The following HMCN1 variants were observed in gnomAD, a reference collection of about 807,000 sequenced individuals.
HMCN1 encodes hemicentin 1, also known as hemicentin-1.
HMCN1 carries 321 observed loss-of-function variants against 625.9 expected under a neutral mutation model. The ratio of observed to expected loss-of-function variants is 0.51; its 90% CI spans 0.47 to 0.56. The LOEUF (loss-of-function observed/expected upper bound fraction) is 0.56, where lower values mean the gene tolerates loss of function less well. Ranked by LOEUF, HMCN1 falls within the 20% of genes least tolerant of loss-of-function variation. The pLI, the probability that HMCN1 is intolerant of heterozygous loss-of-function variation, is 0.00. For synonymous variants in HMCN1, 2,425 were observed against 2,417.6 expected, an observed-to-expected ratio of 1.00 and a Z score of -0.09; for missense variants, 6,588 against 6,887.3, an observed-to-expected ratio of 0.96 and a Z score of 1.54.
intron 4 of HMCN1, among the ~76,000 whole-genome samples, chr1:185,898,586 C>G (rs1433560129): frequency 6.6e-6 from 1 of 151,952 alleles, no homozygotes; most frequent in Non-Finnish European, 1.5e-5. Flanking sequence ...GAACCCTGGT[C>G]CTAATAGCAC....
chr1:186,165,218 C>T, intron 98 of HMCN1, 45 bp downstream of exon 98: 2 of 1,516,958 alleles, frequency 1.3e-6, no homozygotes, highest in Non-Finnish European at 1.8e-6. Flanking sequence ...ATGAAAATGT[C>T]AATATTGGAT....
At chr1:185,976,292 T>C (rs1651209826) in intron 15 of HMCN1, among the ~76,000 whole-genome samples, 1 of 152,170 alleles carries the variant, frequency 6.6e-6, no homozygotes, top group South Asian at 2.1e-4. Context: ...AACAAGGTAC[T>C]GATATGAGAA....
At chr1:186,018,053 C>A in intron 33 of HMCN1, 130 bp from the exon 34 acceptor site, 2 of 860,598 alleles carry the variant, frequency 2.3e-6, no homozygotes, top group Non-Finnish European at 3.7e-6. Context: ...TTCTCTTTTT[C>A]ATTTACAATT....
chr1:185,838,159 C>T (rs1050559038), intron 1 of HMCN1, among the ~76,000 whole-genome samples: 1 of 152,192 alleles, frequency 6.6e-6, no homozygotes, highest in African/African-American at 2.4e-5. Flanking sequence ...CCAGATTCCC[C>T]TTCCCACCAG....
At position 186,123,754 on chromosome 1, in the gene HMCN1, A is replaced by G. The variant is rs144203333; in HGVS notation, c.12499+534A>G. On this transcript the variant is annotated intron_variant, in intron 81 of 106. Coordinates refer to ENST00000271588, the MANE Select transcript of HMCN1 (RefSeq NM_031935.3). ...TTGAAATATTTTTAGTTTTTATTAT[A>G]TATTTTGACTAAGGATAGAATCCAC... 3.7e-4 allele frequency among the ~76,000 whole-genome samples: 57 copies of G among 152,286 alleles called. No individual in the cohort carries two copies. In the East Asian group the frequency reaches 9.8e-3, roughly 26 times the overall value.
chr1:185,944,352 T>C lies in HMCN1; in HGVS notation c.1828+10528T>C, dbSNP rs563769300. 3.3e-4 allele frequency among the ~76,000 whole-genome samples: 50 copies of C among 152,228 alleles called. 3 individuals carry two copies. In the South Asian group the frequency reaches 9.9e-3, roughly 30 times the overall value. On this transcript the variant is annotated intron_variant, in intron 11 of 106. Coordinates refer to ENST00000271588, the MANE Select transcript of HMCN1 (RefSeq NM_031935.3). ...GGAGAGAGGCTAGGGATAAAAACAC[T>C]CAGGTGATGGGTGCACTAAAATCTC...
intron 2 of HMCN1, among the ~76,000 whole-genome samples, chr1:185,848,302 T>A (rs1259304102): frequency 2.0e-5 from 3 of 152,128 alleles, no homozygotes; most frequent in Admixed American, 1.3e-4. Context: ...AATGCTCCAG[T>A]CCTCATCATA....
intron 4 of HMCN1, among the ~76,000 whole-genome samples, chr1:185,896,722 C>A (rs1167293725): frequency 6.6e-6 from 1 of 152,128 alleles, no homozygotes; most frequent in East Asian, 1.9e-4. Flanking sequence ...CCTAATCGTT[C>A]TAATATATAC....
rs1209791013 is a variant in HMCN1, at chr1:186,166,962, T to C, written c.15574+20T>C. On this transcript the variant is annotated intron_variant, in intron 100 of 106. Transcript: ENST00000271588. ...GTCAAGGTATAAAAATGGAGGCCTT[T>C]TCTTTATGTTCATGACAGTAAGAAT... The C allele has an allele frequency of 6.2e-7, 1 of 1,614,022 alleles. No individual in the cohort carries two copies. Among genetic ancestry groups the C allele is most frequent in the Admixed American group, 1.7e-5 (1 of 60,004 alleles).
At position 185,955,148 on chromosome 1, in the gene HMCN1, T is replaced by G. The variant is rs369322986; in HGVS notation, c.1829-7370T>G. Among the ~76,000 whole-genome samples the G allele has an allele frequency of 4.7e-4, 72 of 152,286 alleles. 2 individuals are homozygous for G. The South Asian group carries it at 0.013, about 27-fold the overall frequency. ...TATTAGAATCCTCTTTTTATGGACT[T>G]ACTTTCTTTTAGAATGGGGACTTTC... On this transcript the variant is annotated intron_variant, in intron 11 of 106. Coordinates refer to ENST00000271588, the MANE Select transcript of HMCN1 (RefSeq NM_031935.3).
At position 186,093,149 on chromosome 1, in the gene HMCN1, C is replaced by A. The variant is rs1483469406; in HGVS notation, c.9903C>A (p.Gly3301=). 1 of 1,613,178 alleles carries A rather than the reference C, an allele frequency of 6.2e-7. No individual in the cohort carries two copies. The highest frequency in any genetic ancestry group is 8.5e-7 in the Non-Finnish European group (1 of 1,179,528). ...TTTTCCGTAGAGTGAGTGCAAATGG[C>A]AGCACATTAAACATTTATGGAGCTC... ...ETERIRVSAN[G]STLNIYGALT... Residue 3301 remains glycine, a synonymous_variant, in exon 65 of 107, where the codon GGC becomes GGA. Transcript: ENST00000271588.
intron 1 of HMCN1, among the ~76,000 whole-genome samples, chr1:185,780,464 G>C (rs564284976): frequency 1.3e-5 from 2 of 152,140 alleles, no homozygotes. Flanking sequence ...TGCCCATTCA[G>C]TATGATATTG....
intron 55 of HMCN1, 58 bp from the exon 56 acceptor site, chr1:186,081,149 G>A: frequency 2.1e-6 from 3 of 1,405,596 alleles, no homozygotes; most frequent in Non-Finnish European, 2.0e-6. Flanking sequence ...CAGAAAATTA[G>A]CATGATTTAG....
In HMCN1 at chr1:185,962,645, C is replaced by A; in HGVS notation, c.1956C>A (p.Ile652=). The change falls in exon 12 of 107, where the codon ATC becomes ATA. Residue 652 remains isoleucine, a synonymous_variant. Coordinates refer to ENST00000271588, the MANE Select transcript of HMCN1 (RefSeq NM_031935.3). ...CCTGGACCGTTAACGATATGTTTAT[C>A]GTGGGTTCACACAGGTACTGGGTTT... ...KIAWTVNDMF[I]VGSHRYRMTS... 1 of 1,578,382 alleles carries A rather than the reference C, an allele frequency of 6.3e-7. No homozygotes were observed. The highest frequency in any genetic ancestry group is 8.7e-7 in the Non-Finnish European group (1 of 1,147,358).
chr1:186,178,927 A>G (rs577628239), intron 104 of HMCN1, among the ~76,000 whole-genome samples, 161 bp downstream of exon 104: 37 of 152,352 alleles, frequency 2.4e-4, no homozygotes, highest in African/African-American at 8.9e-4. Flanking sequence ...TAAAACTATT[A>G]CAGACTTGAG....
chr1:185,925,196 G>C lies in HMCN1; in HGVS notation c.1430+5G>C, dbSNP rs556308096. 6.2e-7 allele frequency: 1 copy of C among 1,611,304 alleles called. No homozygotes were observed. The highest frequency in any genetic ancestry group is 1.1e-5 in the South Asian group (1 of 91,024). ...TGGAGTAGACCAGTATTTGAAGTAG[G>C]TACATGTTTCTGTCAGTAATAAGAT... On this transcript the variant is annotated splice_donor_5th_base_variant and intron_variant, in intron 9 of 106. Coordinates refer to ENST00000271588, the MANE Select transcript of HMCN1 (RefSeq NM_031935.3).
intron 48 of HMCN1, among the ~76,000 whole-genome samples, chr1:186,064,676 A>G (rs1657991181): frequency 6.6e-6 from 1 of 151,710 alleles, no homozygotes; most frequent in South Asian, 2.1e-4. Context: ...CGGGTGTGGT[A>G]GCAAGCACCT....
At chr1:185,989,770 C>CTT in intron 21 of HMCN1, 123 bp downstream of exon 21, 7 of 527,870 alleles carry the variant, frequency 1.3e-5, no homozygotes, top group Non-Finnish European at 1.2e-5. Flanking sequence ...CCCCAGATTT[C>CTT]TATTTTTTTT....
chr1:185,965,908 G>T lies in HMCN1; in HGVS notation c.2205G>T (p.Trp735Cys), dbSNP rs757160285. 6.5e-7 allele frequency: 1 copy of T among 1,534,462 alleles called. No homozygotes were observed. Among genetic ancestry groups the T allele is most frequent in the Non-Finnish European group, 9.0e-7 (1 of 1,107,608 alleles). Reference sequence around the variant, plus strand: ...GTATTCCTCCACCTCAAGTTAAATGGTTCAAAGGTACATTTCTTCAATATG... The same window carrying T: ...GTATTCCTCCACCTCAAGTTAAATGTTTCAAAGGTACATTTCTTCAATATG... ...TSGIPPPQVK[W>C]FKGDLELRPS... The change falls in exon 14 of 107, where the codon TGG (tryptophan) becomes TGT (cysteine). Residue 735 changes from tryptophan (W) to cysteine (C), a missense_variant. Physicochemically the swap from Trp to Cys is radical, Grantham distance 215. Transcript: ENST00000271588.
Sources: gnomAD v4.1 joint callset for allele counts (sites outside exome capture counted in the v4.1 genomes callset) on GRCh38, gnomAD v4.1.1 for gene constraint, MANE v1.5 for transcripts, NCBI Gene and HGNC (gene_info 2026-07-23, HGNC 2026-07-21) for gene names.